Variants in HDHD5 observed in about 807,000 individuals in gnomAD.
HDHD5 encodes the protein haloacid dehalogenase-like hydrolase domain-containing 5.
A neutral mutation model predicts 35.5 loss-of-function variants in HDHD5; 34 were observed. The observed-to-expected ratio is 0.96, with a 90% CI of 0.73 to 1.28. The LOEUF (loss-of-function observed/expected upper bound fraction) is 1.28, where lower values mean the gene tolerates loss of function less well. Among genes scored for constraint, HDHD5 ranks in the 50% most tolerant of loss-of-function variants. The pLI is 0.00. For synonymous variants in HDHD5, 248 were observed against 240.6 expected, an observed-to-expected ratio of 1.03 and a Z score of -0.29; for missense variants, 589 against 560.2, an observed-to-expected ratio of 1.05 and a Z score of -0.52.
intron 1 of HDHD5, among the ~76,000 whole-genome samples, chr22:17,156,266 G>T (rs2061788862): frequency 1.3e-5 from 2 of 152,042 alleles, no homozygotes; most frequent in Admixed American, 1.3e-4. Context: ...CCTTATGTAG[G>T]CCTGGGCTAG....
At chr22:17,153,442 C>G (rs1033137249) in intron 1 of HDHD5, among the ~76,000 whole-genome samples, 2 of 152,176 alleles carry the variant, frequency 1.3e-5, no homozygotes, top group African/African-American at 4.8e-5. Context: ...CTCCTGCCAG[C>G]TCCCAGCTGT....
intron 6 of HDHD5, 87 bp from the exon 7 acceptor site, chr22:17,138,825 C>T (rs2061566470): frequency 4.1e-6 from 6 of 1,458,744 alleles, no homozygotes; most frequent in Non-Finnish European, 5.7e-6. Context: ...AAGCAGCAAA[C>T]ACACAGACCA....
chr22:17,141,589 C>T (rs898501223), intron 5 of HDHD5: 6 of 1,079,050 alleles, frequency 5.6e-6, no homozygotes, highest in Non-Finnish European at 6.7e-6. Context: ...CTCCTGTTCC[C>T]TCAGTCGCTT....
intron 6 of HDHD5, 79 bp downstream of exon 6, chr22:17,140,980 T>A (rs1278692552): frequency 2.2e-6 from 3 of 1,354,474 alleles, no homozygotes; most frequent in Admixed American, 5.7e-5. Flanking sequence ...TCAGGACGGA[T>A]GGGAACTGCC....
rs1237583965 is a variant in HDHD5, at chr22:17,143,125, G to A, written c.544C>T (p.Pro182Ser). ...TCAATGCGGGGGAAGTCATTCCTCG[G>A]GAGGGGCTGCAGAGAGACAAAGGAG... ...LERRLKTTPL[P>S]RNDFPRIEGV... is the part of the protein sequence containing the mutation. Residue 182 changes from proline (P) to serine (S), a missense_variant, in exon 5 of 8, where the codon CCG becomes TCG. Coordinates refer to ENST00000336737, the MANE Select transcript of HDHD5 (RefSeq NM_033070.3). 1 of 1,609,336 alleles carries A rather than the reference G, an allele frequency of 6.2e-7. No individual in the cohort carries two copies. The highest frequency in any genetic ancestry group is 8.5e-7 in the Non-Finnish European group (1 of 1,178,150).
chr22:17,155,315 G>A (rs1375532653), intron 1 of HDHD5, among the ~76,000 whole-genome samples: 3 of 148,824 alleles, frequency 2.0e-5, no homozygotes, highest in Admixed American at 6.8e-5. Flanking sequence ...GTGCAATCTC[G>A]ACTCACTACA....
At chr22:17,148,296 C>T in intron 3 of HDHD5, 152 bp downstream of exon 3, 1 of 683,370 alleles carries the variant, frequency 1.5e-6, no homozygotes. Flanking sequence ...GGACTGACCA[C>T]AGTCGGGAGC....
rs761385688 is a variant in HDHD5 at position 17,141,020 on chromosome 22, T to G, written c.746+39A>C. 7 of 1,530,610 alleles carry G rather than the reference T, an allele frequency of 4.6e-6. No homozygotes were observed. In the Admixed American group the frequency reaches 1.5e-4, roughly 34 times the overall value. 94.8% of individuals were successfully genotyped at this position (1,530,610 alleles called of 1,614,324 possible). On this transcript the variant is annotated intron_variant, in intron 6 of 7. Coordinates refer to ENST00000336737, the MANE Select transcript of HDHD5 (RefSeq NM_033070.3). ...GGACTGCCCAGGCAGCAGCCAGGAATAGACCACCAGGCCAAGGCTGGGAGC... is the reference window on the plus strand; with the variant it reads ...GGACTGCCCAGGCAGCAGCCAGGAAGAGACCACCAGGCCAAGGCTGGGAGC...
chr22:17,146,825 G>A (rs1304941275), intron 3 of HDHD5, among the ~76,000 whole-genome samples: 1 of 488 alleles, frequency 2.0e-3, no homozygotes, highest in Non-Finnish European at 4.1e-3. Context: ...ACCGGCCTTC[G>A]ATCACACGCC....
Position 17,145,137 on chromosome 22 carries a change from T to C in HDHD5, c.444-20A>G. On this transcript the variant is annotated intron_variant, in intron 3 of 7. Transcript: ENST00000336737. ...CCCAGTCTGGAGCAAGCTCAGGAAG[T>C]AATGCTGGACAGTTCTTGGGGAAGA... 1 of 1,613,832 alleles carries C rather than the reference T, an allele frequency of 6.2e-7. No homozygotes were observed. Among genetic ancestry groups the C allele is most frequent in the East Asian group, 2.2e-5 (1 of 44,846 alleles).
At chr22:17,153,254 G>T (rs1292056095) in intron 1 of HDHD5, among the ~76,000 whole-genome samples, 1 of 152,164 alleles carries the variant, frequency 6.6e-6, no homozygotes, top group African/African-American at 2.4e-5. Context: ...TTTATACAAG[G>T]TGTTCAATAT....
chr22:17,157,266 A>ATTTTC (rs1555881569), intron 1 of HDHD5, among the ~76,000 whole-genome samples: 1 of 139,802 alleles, frequency 7.2e-6, no homozygotes. Flanking sequence ...ACTAAGGTTA[A>ATTTTC]TTTTCTTTTT....
rs1219332803 is a variant in HDHD5 at position 17,149,716 on chromosome 22, G to T, written c.156C>A (p.Asp52Glu). The change falls in exon 2 of 8, where the codon GAC (aspartate) becomes GAA (glutamate). Residue 52 changes from aspartate to glutamate, a missense_variant. Physicochemically the swap from Asp to Glu is conservative, Grantham distance 45. Transcript: ENST00000336737. ...QSPPTFGFLL[D>E]IDGVLVRGHR... ...GGCCCCGCACAAGCACTCCATCGAT[G>T]TCCAACAGGAACCCAAAGGTGGGTG... 2.5e-6 allele frequency: 4 copies of T among 1,613,976 alleles called. No individual in the cohort carries two copies. Among genetic ancestry groups the T allele is most frequent in the Non-Finnish European group, 3.4e-6 (4 of 1,180,044 alleles).
intron 3 of HDHD5, among the ~76,000 whole-genome samples, chr22:17,147,820 C>T (rs532856634): frequency 2.6e-5 from 4 of 151,288 alleles, no homozygotes; most frequent in Non-Finnish European, 4.4e-5. Context: ...TTCGATCACA[C>T]GCCATCGCAC....
chr22:17,164,853 G>A (rs1446076804), intron 1 of HDHD5, among the ~76,000 whole-genome samples: 16 of 152,198 alleles, frequency 1.1e-4, no homozygotes, highest in East Asian at 3.8e-4. Flanking sequence ...GGAGGCAGAC[G>A]AAAGAAAAGA....
intron 6 of HDHD5, among the ~76,000 whole-genome samples, chr22:17,140,556 G>A (rs932291504): frequency 3.3e-5 from 5 of 152,154 alleles, no homozygotes; most frequent in Non-Finnish European, 7.3e-5. Flanking sequence ...CTGCACTCCA[G>A]CCTGGATGAG....
chr22:17,138,296 T>C lies in HDHD5; in HGVS notation c.997A>G (p.Thr333Ala), dbSNP rs747072425. 8 of 1,614,034 alleles carry C rather than the reference T, an allele frequency of 5.0e-6. No homozygotes were observed. The highest frequency in any genetic ancestry group is 6.8e-6 in the Non-Finnish European group (8 of 1,180,040). Residue 333 changes from threonine to alanine, a missense_variant, in exon 8 of 8, where the codon ACG becomes GCG. Physicochemically the swap from Thr to Ala is moderately conservative, Grantham distance 58 (BLOSUM62 0). Transcript: ENST00000336737. ...CCTAGTTCTGGCGCCCCATCATGCG[T>C]TGCCTTCTGCAGGTACTGGTGGAAC... ...NLFHQYLQKA[T>A]HDGAPELGAG...
chr22:17,143,510 G>A (rs1011022090), intron 4 of HDHD5: 7 of 182,136 alleles, frequency 3.8e-5, no homozygotes, highest in Non-Finnish European at 7.9e-5. Context: ...TCCTCATGTC[G>A]GTTCTTGAGC....
At chr22:17,163,610 G>A (rs1444126142), upstream of HDHD5, among the ~76,000 whole-genome samples, 1 of 152,158 alleles carries the variant, frequency 6.6e-6, no homozygotes, top group African/African-American at 2.4e-5. Context: ...TGGTGCCCCA[G>A]CACTGATATC....
Sources: gnomAD v4.1 joint callset for allele counts (sites outside exome capture counted in the v4.1 genomes callset) on GRCh38, gnomAD v4.1.1 for gene constraint, MANE v1.5 for transcripts, NCBI Gene and HGNC (gene_info 2026-07-23, HGNC 2026-07-21) for gene names.